Variants in NFIB observed in about 807,000 individuals in gnomAD.
NFIB encodes nuclear factor 1 B-type.
In NFIB, 11 loss-of-function variants were observed where a neutral mutation model predicts 61.5. That is an observed-to-expected ratio of 0.18 (90% CI 0.11 to 0.30). The LOEUF (loss-of-function observed/expected upper bound fraction) is 0.30, where lower values mean the gene tolerates loss of function less well. Among genes scored for constraint, NFIB ranks in the 10% least tolerant of loss-of-function variants. NFIB has a pLI of 1.00. For missense variants in NFIB, 471 were observed against 608.9 expected, an observed-to-expected ratio of 0.77 and a Z score of 2.38; for synonymous variants, 260 against 216.5, an observed-to-expected ratio of 1.20 and a Z score of -1.76.
intron 6 of NFIB, among the ~76,000 whole-genome samples, chr9:14,134,695 G>A (rs540889106): frequency 7.9e-5 from 12 of 151,964 alleles, no homozygotes; most frequent in East Asian, 3.9e-4. Context: ...TCAGGAGTTC[G>A]AGACCAGCCT....
chr9:14,414,237 A>T, the NFIB span, among the ~76,000 whole-genome samples: 4 of 151,884 alleles, frequency 2.6e-5, no homozygotes, highest in African/African-American at 7.3e-5. Context: ...AGAGATTGAG[A>T]CCCCATGGCC....
chr9:14,280,133 A>T (rs1490592675), intron 2 of NFIB, among the ~76,000 whole-genome samples: 1 of 152,156 alleles, frequency 6.6e-6, no homozygotes, highest in Non-Finnish European at 1.5e-5. Flanking sequence ...TCTGCTAAGG[A>T]GGTTAGTCCT....
intron 1 of NFIB, among the ~76,000 whole-genome samples, chr9:14,391,465 A>T (rs2061621127): frequency 1.6e-5 from 1 of 61,888 alleles, no homozygotes; most frequent in African/African-American, 6.7e-5. Context: ...CTCCCAATAG[A>T]TAGGAAGGAA....
chr9:14,437,944 C>A, the NFIB span, among the ~76,000 whole-genome samples: 1 of 152,196 alleles, frequency 6.6e-6, no homozygotes, highest in African/African-American at 2.4e-5. Context: ...GAAGAATCCA[C>A]GGTTCCCTCC....
chr9:14,425,878 C>T, the NFIB span, among the ~76,000 whole-genome samples: 2 of 152,126 alleles, frequency 1.3e-5, no homozygotes, highest in Non-Finnish European at 2.9e-5. Flanking sequence ...TTAGGCTCTG[C>T]ACCTCAGTAG....
At chr9:14,322,797 G>C (rs2060694863) in intron 1 of NFIB, among the ~76,000 whole-genome samples, 1 of 151,922 alleles carries the variant, frequency 6.6e-6, no homozygotes, top group South Asian at 2.1e-4. Context: ...GTGGGTGCGT[G>C]GGTAGCGGTG....
At chr9:14,428,662 A>C in the NFIB span, among the ~76,000 whole-genome samples, 1 of 152,196 alleles carries the variant, frequency 6.6e-6, no homozygotes, top group Non-Finnish European at 1.5e-5. Context: ...TTTCTTTTGA[A>C]ATGGAATTTT....
intron 2 of NFIB, chr9:14,204,364 TG>T: frequency 2.3e-6 from 2 of 885,936 alleles, no homozygotes; most frequent in South Asian, 2.8e-5. Flanking sequence ...CTAAGAATTT[TG>T]GCATTAGACA....
At chr9:14,443,597 A>C in the NFIB span, among the ~76,000 whole-genome samples, 1 of 152,194 alleles carries the variant, frequency 6.6e-6, no homozygotes, top group Non-Finnish European at 1.5e-5. Flanking sequence ...CCCCAATTGC[A>C]ATACATCCTC....
chr9:14,212,248 T>C (rs1257137398), intron 2 of NFIB, among the ~76,000 whole-genome samples: 2 of 152,254 alleles, frequency 1.3e-5, no homozygotes, highest in Admixed American at 6.5e-5. Context: ...AAAGCAAAAC[T>C]ACTCCAATTC....
chr9:14,116,940 T>G (rs1478360288), intron 8 of NFIB, among the ~76,000 whole-genome samples: 3 of 152,214 alleles, frequency 2.0e-5, no homozygotes, highest in Non-Finnish European at 2.9e-5. Context: ...ATGCACACAT[T>G]AGGCAATTTA....
chr9:14,319,921 T>C (rs927931817), intron 1 of NFIB, among the ~76,000 whole-genome samples: 2 of 152,166 alleles, frequency 1.3e-5, no homozygotes, highest in African/African-American at 2.4e-5. Context: ...ACACAAACAA[T>C]TGGGCCTAAA....
At chr9:14,171,086 G>A (rs1242502255) in intron 3 of NFIB, among the ~76,000 whole-genome samples, 3 of 152,142 alleles carry the variant, frequency 2.0e-5, no homozygotes, top group Non-Finnish European at 4.4e-5. Flanking sequence ...GTACTGTGTT[G>A]AAATTAACTC....
At chr9:14,415,551 G>A in the NFIB span, among the ~76,000 whole-genome samples, 3 of 152,150 alleles carry the variant, frequency 2.0e-5, no homozygotes, top group Admixed American at 6.6e-5. Flanking sequence ...TCACCAAGAG[G>A]AAAAGGCATT....
At chr9:14,246,982 T>C (rs1471203617) in intron 2 of NFIB, among the ~76,000 whole-genome samples, 1 of 151,336 alleles carries the variant, frequency 6.6e-6, no homozygotes, top group East Asian at 2.1e-4. Context: ...TCTCTCTCTC[T>C]TGCTTTCTTT....
chr9:14,473,513 G>A, the NFIB span, among the ~76,000 whole-genome samples: 4 of 152,124 alleles, frequency 2.6e-5, no homozygotes, highest in African/African-American at 7.2e-5. Context: ...GGTTTCTCAC[G>A]AATGGACATT....
At chr9:14,515,760 G>C in the NFIB span, among the ~76,000 whole-genome samples, 2 of 152,212 alleles carry the variant, frequency 1.3e-5, no homozygotes, top group African/African-American at 4.8e-5. Flanking sequence ...TGGGTTGGGG[G>C]TGGGGCCTGA....
At chr9:14,297,604 C>G (rs1327162998) in intron 2 of NFIB, among the ~76,000 whole-genome samples, 1 of 152,172 alleles carries the variant, frequency 6.6e-6, no homozygotes, top group African/African-American at 2.4e-5. Flanking sequence ...AAATCTACTG[C>G]TTTTTTCCCA....
chr9:14,343,298 C>G lies in NFIB; in HGVS notation c.109-35778G>C, dbSNP rs565191820. On this transcript the variant is annotated intron_variant, in intron 1 of 8. Coordinates refer to the NFIB transcript ENST00000380934. Reference sequence around the variant, plus strand: ...CCTCTACCCCGGTGCCAGAGAACCCCCTACTTTCTCATTTTTCTCTAAGAG... The same window carrying G: ...CCTCTACCCCGGTGCCAGAGAACCCGCTACTTTCTCATTTTTCTCTAAGAG... Among the ~76,000 whole-genome samples the G allele has an allele frequency of 6.3e-4, 96 of 152,200 alleles. 1 individual carries two copies. The highest frequency in any genetic ancestry group is 3.4e-3 in the Middle Eastern group (1 of 294).
Sources: allele counts gnomAD v4.1 joint callset (sites outside exome capture counted in the v4.1 genomes callset), GRCh38; gene constraint gnomAD v4.1.1; transcripts MANE v1.5; gene names NCBI Gene and HGNC (gene_info 2026-07-23, HGNC 2026-07-21).